The following ARHGAP29 variants were observed in gnomAD, a reference collection of about 807,000 sequenced individuals.
ARHGAP29 encodes the protein Rho GTPase activating protein 29.
ARHGAP29 carries 43 observed loss-of-function variants against 122.6 expected under a neutral mutation model. The observed-to-expected ratio is 0.35, with a 90% CI of 0.27 to 0.45. The LOEUF is 0.45. Ranked by LOEUF, ARHGAP29 falls within the 20% of genes least tolerant of loss-of-function variation. The probability of loss-of-function intolerance (pLI) is 1.00; values close to 1 mark genes in which losing one functional copy is unlikely to be tolerated. For synonymous variants in ARHGAP29, 506 were observed against 497.1 expected (o/e 1.02, Z -0.24); for missense variants, 1,303 against 1,477.2 (o/e 0.88, Z 1.93).
At chr1:94,278,047 G>A (rs1364690024), upstream of ARHGAP29, among the ~76,000 whole-genome samples, 2 of 152,204 alleles carry the variant, frequency 1.3e-5, no homozygotes, top group Admixed American at 6.5e-5. Flanking sequence ...CGGATGCAGC[G>A]GCTCATGCCT....
chr1:94,303,692 T>C, the ARHGAP29 span, among the ~76,000 whole-genome samples: 1 of 152,216 alleles, frequency 6.6e-6, no homozygotes. Context: ...ATATGAAATA[T>C]TATTCTCATA....
At chr1:94,312,008 T>C in the ARHGAP29 span, among the ~76,000 whole-genome samples, 1 of 152,218 alleles carries the variant, frequency 6.6e-6, no homozygotes, top group Non-Finnish European at 1.5e-5. Context: ...CAGATAAACA[T>C]ACAAATGTAC....
At chr1:94,257,458 A>T (rs573293309) in intron 1 of ARHGAP29, among the ~76,000 whole-genome samples, 1 of 152,276 alleles carries the variant, frequency 6.6e-6, no homozygotes, top group African/African-American at 2.4e-5. Flanking sequence ...CTGTAATCTC[A>T]GCACTTTGGG....
intron 3 of ARHGAP29, among the ~76,000 whole-genome samples, chr1:94,211,230 T>A (rs1325320267): frequency 8.1e-6 from 1 of 123,562 alleles, no homozygotes; most frequent in Non-Finnish European, 1.6e-5. Context: ...GAGGTTGCAG[T>A]AAGCTGAAAT....
chr1:94,201,506 TTCTCTC>T (rs111304569), intron 12 of ARHGAP29, among the ~76,000 whole-genome samples: 5 of 141,298 alleles, frequency 3.5e-5, no homozygotes, highest in African/African-American at 1.4e-4. Context: ...CCTTCCTTCC[TTCTCTC>T]TCTCTCTCTC....
intron 2 of ARHGAP29, among the ~76,000 whole-genome samples, chr1:94,225,463 A>C (rs1652560021): frequency 6.6e-6 from 1 of 152,234 alleles, no homozygotes; most frequent in Non-Finnish European, 1.5e-5. Flanking sequence ...TAATTCTGTA[A>C]GCCATTCAAA....
intron 12 of ARHGAP29, among the ~76,000 whole-genome samples, chr1:94,200,610 A>C (rs1258074886): frequency 6.6e-6 from 1 of 152,230 alleles, no homozygotes; most frequent in Non-Finnish European, 1.5e-5. Flanking sequence ...CTGCGGCTCT[A>C]TTCATAATCA....
chr1:94,278,402 C>T (rs574159573), upstream of ARHGAP29, among the ~76,000 whole-genome samples: 3 of 152,136 alleles, frequency 2.0e-5, no homozygotes, highest in South Asian at 6.2e-4. Context: ...GATAACATAC[C>T]CAATTCTAAT....
chr1:94,232,095 T>C (rs1434003944), intron 1 of ARHGAP29, among the ~76,000 whole-genome samples: 1 of 152,138 alleles, frequency 6.6e-6, no homozygotes, highest in African/African-American at 2.4e-5. Context: ...CATATTCTCC[T>C]TCCATGACAT....
intron 1 of ARHGAP29, among the ~76,000 whole-genome samples, chr1:94,243,735 A>C (rs2100680919): frequency 6.6e-6 from 1 of 152,178 alleles, no homozygotes; most frequent in East Asian, 1.9e-4. Context: ...GAAAAAAATC[A>C]ATATAACCAA....
chr1:94,266,026 G>A (rs1251423011), intron 1 of ARHGAP29, among the ~76,000 whole-genome samples: 1 of 152,190 alleles, frequency 6.6e-6, no homozygotes, highest in Non-Finnish European at 1.5e-5. Context: ...TTTTGTTTCT[G>A]GGCTATTTTA....
chr1:94,210,595 A>G (rs1389425460), intron 3 of ARHGAP29, among the ~76,000 whole-genome samples: 1 of 152,032 alleles, frequency 6.6e-6, no homozygotes, highest in Non-Finnish European at 1.5e-5. Context: ...TCTAAATATC[A>G]CTGATACAAA....
chr1:94,260,330 A>C (rs1654512441), intron 1 of ARHGAP29, among the ~76,000 whole-genome samples: 1 of 152,150 alleles, frequency 6.6e-6, no homozygotes, highest in South Asian at 2.1e-4. Context: ...TCTTACCCCC[A>C]GAGGGGCCCT....
chr1:94,302,511 A>G, the ARHGAP29 span: 1 of 341,322 alleles, frequency 2.9e-6, no homozygotes, highest in Admixed American at 3.5e-5. Flanking sequence ...GGTCATCCAT[A>G]ATAACTCTGG....
In ARHGAP29 at chr1:94,174,641, T is replaced by C. The variant is rs540284512; in HGVS notation, c.3014A>G (p.Asn1005Ser). The C allele has an allele frequency of 1.9e-6, 3 of 1,614,086 alleles. No individual in the cohort carries two copies. The highest frequency in any genetic ancestry group is 1.7e-5 in the Admixed American group (1 of 60,020). ...GGTCCTTGGAGTATGCCTCTCCACA[T>C]TGTTTGTTGACCTATCAGATTTCAG... Reference protein sequence around the residue: ...LSLKSDRSTNNVERHTPRTKI... With the variant: ...LSLKSDRSTNSVERHTPRTKI... Residue 1005 changes from asparagine (N) to serine (S), a missense_variant, in exon 23 of 23, where the codon AAT becomes AGT. Asn to Ser is a conservative substitution (Grantham distance 46). Transcript: ENST00000260526.
At chr1:94,295,307 G>T in the ARHGAP29 span, among the ~76,000 whole-genome samples, 1 of 152,118 alleles carries the variant, frequency 6.6e-6, no homozygotes, top group African/African-American at 2.4e-5. Context: ...AGAGTGTTAA[G>T]CAAGAGAAAG....
At chr1:94,212,249 C>A (rs1651671745) in intron 3 of ARHGAP29, among the ~76,000 whole-genome samples, 1 of 151,890 alleles carries the variant, frequency 6.6e-6, no homozygotes, top group Admixed American at 6.6e-5. Flanking sequence ...CAGAGCGAGA[C>A]TCCATCTCAA....
chr1:94,185,626 G>T, intron 16 of ARHGAP29, 145 bp from the exon 17 acceptor site: 1 of 705,716 alleles, frequency 1.4e-6, no homozygotes, highest in Non-Finnish European at 2.1e-6. Context: ...TAGCTAGTTA[G>T]CATCCAATTT....
At chr1:94,225,522 C>T (rs3827751) in intron 2 of ARHGAP29, among the ~76,000 whole-genome samples, 38,285 of 151,896 alleles carry the variant, frequency 0.25, 4,947 homozygotes, top group East Asian at 0.46. Context: ...ATAACAAATA[C>T]ATTTATAGCT....
Sources: gnomAD v4.1 joint callset for allele counts (sites outside exome capture counted in the v4.1 genomes callset) on GRCh38, gnomAD v4.1.1 for gene constraint, MANE v1.5 for transcripts, NCBI Gene and HGNC (gene_info 2026-07-23, HGNC 2026-07-21) for gene names.